The following RBFOX1 variants were observed in gnomAD, a reference collection of about 807,000 sequenced individuals.
The protein encoded by RBFOX1 is RNA binding fox-1 homolog 1.
Under a neutral mutation model 57.7 loss-of-function variants are expected in RBFOX1, and 8 were observed. The ratio of observed to expected loss-of-function variants is 0.14; its 90% CI spans 0.08 to 0.25. The LOEUF (loss-of-function observed/expected upper bound fraction) is 0.25. RBFOX1 is among the 10% of genes least tolerant of loss of function. RBFOX1 has a pLI of 1.00. For missense variants in RBFOX1, 611 were observed against 548.5 expected (o/e 1.11, Z -1.14); for synonymous variants, 326 against 222.4 (o/e 1.47, Z -4.15).
chr16:7,010,212 A>T (rs1446604708), intron 3 of RBFOX1, among the ~76,000 whole-genome samples: 2 of 152,254 alleles, frequency 1.3e-5, no homozygotes, highest in Non-Finnish European at 2.9e-5. Context: ...GTCATTATTA[A>T]GTCCTGAAGC....
At chr16:5,487,274 CTTG>C (rs1383554662) in intron 2 of RBFOX1, among the ~76,000 whole-genome samples, 2 of 152,216 alleles carry the variant, frequency 1.3e-5, no homozygotes, top group African/African-American at 2.4e-5. Context: ...GAAGAACCAT[CTTG>C]TTGTCTATTG....
chr16:7,443,531 C>T (rs1446922682), intron 4 of RBFOX1, among the ~76,000 whole-genome samples: 4 of 151,350 alleles, frequency 2.6e-5, no homozygotes, highest in Non-Finnish European at 5.9e-5. Context: ...AACCCAACAA[C>T]CTTGTTGGTG....
chr16:6,348,111 G>A (rs924386411), intron 2 of RBFOX1, among the ~76,000 whole-genome samples: 3 of 152,158 alleles, frequency 2.0e-5, no homozygotes, highest in African/African-American at 7.2e-5. Context: ...GGAGGTTATA[G>A]CTTTATGGGT....
Position 5,257,809 on chromosome 16 carries a change from G to A in RBFOX1, c.219+17704G>A, listed in dbSNP as rs554784724. 1.9e-4 allele frequency among the ~76,000 whole-genome samples: 29 copies of A among 152,232 alleles called. 1 individual carries two copies. The South Asian group carries it at 5.4e-3, about 28-fold the overall frequency. The stretch of plus-strand genomic sequence containing the variant: ...CTCGACTTCCTCTACTCTGCACCAA[G>A]CCGGGAGACGGTCAGATCTCAAAAA... On this transcript the variant is annotated intron_variant, in intron 1 of 2. Transcript: ENST00000585867.
intron 1 of RBFOX1, among the ~76,000 whole-genome samples, chr16:5,291,341 C>A (rs2063530321): frequency 6.8e-6 from 1 of 147,208 alleles, no homozygotes; most frequent in South Asian, 2.1e-4. Context: ...CTGCTCACTG[C>A]AAGCTCCGCC....
At chr16:5,251,445 C>T (rs1305562346) in intron 1 of RBFOX1, among the ~76,000 whole-genome samples, 3 of 152,114 alleles carry the variant, frequency 2.0e-5, no homozygotes, top group Admixed American at 6.6e-5. Flanking sequence ...GTGGCTTTAC[C>T]GGGGGCATTG....
chr16:7,535,941 C>A (rs113294772), intron 5 of RBFOX1, among the ~76,000 whole-genome samples: 10 of 152,220 alleles, frequency 6.6e-5, no homozygotes, highest in African/African-American at 2.4e-4. Flanking sequence ...ATTTGAGAGG[C>A]GCAGAACTGG....
chr16:5,541,974 T>C (rs930022582), intron 2 of RBFOX1, among the ~76,000 whole-genome samples: 3 of 152,144 alleles, frequency 2.0e-5, no homozygotes, highest in Non-Finnish European at 2.9e-5. Flanking sequence ...ATTTCTGAGA[T>C]TTTGGTGCAC....
At chr16:5,798,639 C>G (rs1209069473) in intron 3 of RBFOX1, among the ~76,000 whole-genome samples, 1 of 152,176 alleles carries the variant, frequency 6.6e-6, no homozygotes, top group African/African-American at 2.4e-5. Flanking sequence ...ATATGCCTGT[C>G]TCCATGAAAT....
chr16:7,090,016 T>G (rs2060568806), intron 4 of RBFOX1, among the ~76,000 whole-genome samples: 1 of 151,616 alleles, frequency 6.6e-6, no homozygotes, highest in African/African-American at 2.4e-5. Flanking sequence ...GTTGGAGGGG[T>G]TTTCCATTCT....
intron 3 of RBFOX1, among the ~76,000 whole-genome samples, chr16:6,829,313 T>G (rs1414214529): frequency 3.3e-5 from 5 of 151,210 alleles, no homozygotes; most frequent in Non-Finnish European, 4.4e-5. Context: ...TTAATCTACA[T>G]AAATACATAT....
chr16:5,330,606 T>C (rs1405118473), intron 1 of RBFOX1, among the ~76,000 whole-genome samples: 3 of 152,096 alleles, frequency 2.0e-5, no homozygotes, highest in Non-Finnish European at 4.4e-5. Flanking sequence ...AGATTCACCA[T>C]GTTGGCCAGG....
At chr16:7,222,893 G>T (rs1440802773) in intron 4 of RBFOX1, among the ~76,000 whole-genome samples, 1 of 152,060 alleles carries the variant, frequency 6.6e-6, no homozygotes, top group African/African-American at 2.4e-5. Context: ...TGTCCAAGAA[G>T]TTCACTCACT....
intron 4 of RBFOX1, among the ~76,000 whole-genome samples, chr16:7,446,798 ATTTTTTTTTTTTTTTTTTT>A (rs34580591): frequency 2.0e-5 from 1 of 48,970 alleles, no homozygotes; most frequent in South Asian, 1.3e-3. Flanking sequence ...AGGTCTAGGT[ATTTTTTTTTTTTTTTTTTT>A]TTTTTTTTTT....
At chr16:5,917,949 G>A (rs1337804656) in intron 4 of RBFOX1, among the ~76,000 whole-genome samples, 1 of 151,910 alleles carries the variant, frequency 6.6e-6, no homozygotes, top group African/African-American at 2.4e-5. Flanking sequence ...TCTCCCACAC[G>A]GGAGAAAGAA....
At chr16:6,935,911 G>A (rs1041371515) in intron 3 of RBFOX1, among the ~76,000 whole-genome samples, 3 of 152,142 alleles carry the variant, frequency 2.0e-5, no homozygotes, top group African/African-American at 4.8e-5. Flanking sequence ...GAACCCTTGG[G>A]TTTGTGTGAC....
intron 4 of RBFOX1, among the ~76,000 whole-genome samples, chr16:6,013,589 G>C (rs1242632317): frequency 2.0e-5 from 3 of 152,236 alleles, no homozygotes; most frequent in East Asian, 3.9e-4. Flanking sequence ...ACACAAAACT[G>C]ACTAAGTTTT....
At chr16:6,531,911 A>G (rs117073743) in intron 2 of RBFOX1, among the ~76,000 whole-genome samples, 3,588 of 152,304 alleles carry the variant, frequency 0.024, 65 homozygotes, top group Non-Finnish European at 0.036. Context: ...CTTCTACATT[A>G]AGCAAAAAGA....
intron 2 of RBFOX1, among the ~76,000 whole-genome samples, chr16:5,560,435 C>A (rs939002173): frequency 7.2e-5 from 11 of 152,236 alleles, no homozygotes; most frequent in Admixed American, 3.3e-4. Flanking sequence ...CTTCTCCCCG[C>A]ACTCCGGTGT....
Sources: allele counts gnomAD v4.1 joint callset (sites outside exome capture counted in the v4.1 genomes callset), GRCh38; gene constraint gnomAD v4.1.1; transcripts MANE v1.5; gene names NCBI Gene and HGNC (gene_info 2026-07-23, HGNC 2026-07-21).